GXYLT2: variants seen among roughly 807,000 people sequenced by gnomAD.
GXYLT2 encodes the protein glycosyltransferase 8 domain containing 4.
GXYLT2 carries 53 observed loss-of-function variants against 45.8 expected under a neutral mutation model. The ratio of observed to expected loss-of-function variants is 1.16; its 90% CI spans 0.93 to 1.46. GXYLT2 has a LOEUF of 1.46. Ranked by LOEUF, GXYLT2 falls within the 40% of genes most tolerant of loss-of-function variation. The pLI is 0.00. For synonymous variants in GXYLT2, 219 were observed against 214.2 expected, an observed-to-expected ratio of 1.02 and a Z score of -0.19; for missense variants, 551 against 544.4, an observed-to-expected ratio of 1.01 and a Z score of -0.12.
chr3:72,968,863 T>A (rs1051085784), intron 6 of GXYLT2, among the ~76,000 whole-genome samples: 2 of 152,096 alleles, frequency 1.3e-5, no homozygotes, highest in Non-Finnish European at 2.9e-5. Context: ...AGATCGAGAC[T>A]TTCCTAACAT....
intron 1 of GXYLT2, 83 bp from the exon 2 acceptor site, chr3:72,908,284 T>G: frequency 1.1e-6 from 1 of 904,588 alleles, no homozygotes. Context: ...TTTGAAATGT[T>G]CTAACCATTC....
intron 2 of GXYLT2, among the ~76,000 whole-genome samples, chr3:72,914,485 G>GTA (rs1709692753): frequency 6.6e-6 from 1 of 151,566 alleles, no homozygotes; most frequent in Admixed American, 6.6e-5. Context: ...GGGGCGGCCA[G>GTA]TATATATATG....
intron 5 of GXYLT2, among the ~76,000 whole-genome samples, chr3:72,958,430 T>G (rs1324685455): frequency 6.6e-6 from 1 of 152,150 alleles, no homozygotes; most frequent in Non-Finnish European, 1.5e-5. Context: ...TGTGTTTGTT[T>G]GTATGTCACC....
intron 3 of GXYLT2, among the ~76,000 whole-genome samples, chr3:72,927,929 G>T (rs1279599137): frequency 6.6e-6 from 1 of 152,192 alleles, no homozygotes; most frequent in Non-Finnish European, 1.5e-5. Context: ...TAGCAAAGAA[G>T]GAAATTAATT....
chr3:72,893,948 C>T (rs1709232408), intron 1 of GXYLT2, among the ~76,000 whole-genome samples: 1 of 151,988 alleles, frequency 6.6e-6, no homozygotes, highest in African/African-American at 2.4e-5. Context: ...TTCTTGTATC[C>T]AGTACTAAGC....
intron 2 of GXYLT2, among the ~76,000 whole-genome samples, chr3:72,918,750 C>T (rs1047372040): frequency 2.0e-5 from 3 of 152,070 alleles, no homozygotes; most frequent in African/African-American, 7.2e-5. Flanking sequence ...ATTGCTTGAA[C>T]CCGGGAGGCA....
At chr3:72,907,562 G>C (rs544323807) in intron 1 of GXYLT2, among the ~76,000 whole-genome samples, 3 of 152,202 alleles carry the variant, frequency 2.0e-5, no homozygotes, top group African/African-American at 7.2e-5. Flanking sequence ...GCATCCCTTC[G>C]TCTGGAACAA....
intron 5 of GXYLT2, among the ~76,000 whole-genome samples, chr3:72,959,138 G>C (rs57469150): frequency 6.4e-5 from 5 of 77,812 alleles, no homozygotes; most frequent in Admixed American, 1.9e-4. Context: ...TTTTTTTTGA[G>C]AGGGAGTCTT....
chr3:72,899,581 G>A (rs867442899), intron 1 of GXYLT2, among the ~76,000 whole-genome samples: 6 of 152,216 alleles, frequency 3.9e-5, no homozygotes, highest in South Asian at 4.2e-4. Flanking sequence ...AATTTTTGTC[G>A]GGATTCATGC....
chr3:72,900,865 A>G (rs1193403440), intron 1 of GXYLT2, among the ~76,000 whole-genome samples: 1 of 152,200 alleles, frequency 6.6e-6, no homozygotes, highest in Non-Finnish European at 1.5e-5. Flanking sequence ...TTAAAAGTAT[A>G]CAATTCGGCC....
At chr3:72,915,363 G>T (rs1276676245) in intron 2 of GXYLT2, among the ~76,000 whole-genome samples, 41 of 134,910 alleles carry the variant, frequency 3.0e-4, no homozygotes, top group East Asian at 1.6e-3. Context: ...TTGCGGGGGG[G>T]GGGGGGATTT....
chr3:72,929,034 C>T (rs927051594), intron 3 of GXYLT2: 9 of 1,511,924 alleles, frequency 6.0e-6, no homozygotes, highest in Non-Finnish European at 8.2e-6. Context: ...CTCTCCTTAG[C>T]CGCCGCCGTG....
At chr3:72,912,299 T>C (rs1297515595) in intron 2 of GXYLT2, among the ~76,000 whole-genome samples, 2 of 152,046 alleles carry the variant, frequency 1.3e-5, no homozygotes, top group African/African-American at 4.8e-5. Context: ...CATGAGTCAC[T>C]GTGCCCAGCA....
At chr3:72,959,513 G>A (rs1428927010) in intron 5 of GXYLT2, among the ~76,000 whole-genome samples, 10 of 152,026 alleles carry the variant, frequency 6.6e-5, no homozygotes, top group Admixed American at 3.9e-4. Context: ...TTCCGGCCTC[G>A]GCCTCCCAAA....
intron 3 of GXYLT2, among the ~76,000 whole-genome samples, chr3:72,938,032 G>A (rs1472767511): frequency 2.6e-5 from 4 of 152,190 alleles, no homozygotes; most frequent in East Asian, 3.9e-4. Flanking sequence ...GCAGAGGTGG[G>A]AGGATGCTTG....
At chr3:72,915,326 G>A (rs369189056) in intron 2 of GXYLT2, among the ~76,000 whole-genome samples, 13 of 104,506 alleles carry the variant, frequency 1.2e-4, no homozygotes, top group South Asian at 3.4e-4. Flanking sequence ...ATGCCTCTTC[G>A]TTACCCATTT....
At chr3:72,924,235 C>T (rs1163766369) in intron 3 of GXYLT2, among the ~76,000 whole-genome samples, 2 of 150,722 alleles carry the variant, frequency 1.3e-5, no homozygotes, top group Non-Finnish European at 3.0e-5. Flanking sequence ...TCTCTGTCGC[C>T]CCTGCTGGAG....
At chr3:72,897,373 A>G (rs1022465324) in intron 1 of GXYLT2, among the ~76,000 whole-genome samples, 2 of 152,164 alleles carry the variant, frequency 1.3e-5, no homozygotes, top group African/African-American at 2.4e-5. Flanking sequence ...ACAATTCCCA[A>G]TAGGTCTGGG....
intron 3 of GXYLT2, among the ~76,000 whole-genome samples, chr3:72,938,905 A>C (rs1710242295): frequency 6.6e-6 from 1 of 152,214 alleles, no homozygotes. Flanking sequence ...AAGCAATCAG[A>C]ATCTTGTTTG....
Sources: gnomAD v4.1 joint callset for allele counts (sites outside exome capture counted in the v4.1 genomes callset) on GRCh38, gnomAD v4.1.1 for gene constraint, MANE v1.5 for transcripts, NCBI Gene and HGNC (gene_info 2026-07-23, HGNC 2026-07-21) for gene names.